The following PTPRF variants were observed in gnomAD, a reference collection of about 807,000 sequenced individuals.
PTPRF encodes the protein receptor-type tyrosine-protein phosphatase F.
PTPRF carries 59 observed loss-of-function variants against 201.8 expected under a neutral mutation model. The observed-to-expected ratio is 0.29, with a 90% CI of 0.24 to 0.36. The LOEUF (loss-of-function observed/expected upper bound fraction) is 0.36, where lower values mean the gene tolerates loss of function less well. Ranked by LOEUF, PTPRF falls within the 10% of genes least tolerant of loss-of-function variation. PTPRF has a pLI of 1.00. For missense variants in PTPRF, 2,132 were observed against 2,690.5 expected, an observed-to-expected ratio of 0.79 and a Z score of 4.59; for synonymous variants, 1,088 against 1,089.7, an observed-to-expected ratio of 1.00 and a Z score of 0.03.
At chr1:43,569,875 C>T in intron 6 of PTPRF, 97 bp downstream of exon 6, 1 of 1,339,706 alleles carries the variant, frequency 7.5e-7, no homozygotes, top group East Asian at 2.6e-5. Flanking sequence ...TGGGCACCTC[C>T]AGGGCTGAGC....
rs1658124620 is a variant in PTPRF at position 43,617,389 on chromosome 1, A to T, written c.4072-56A>T. 4.4e-6 allele frequency: 7 copies of T among 1,607,390 alleles called. No homozygotes were observed. The Admixed American group carries it at 1.2e-4, about 27-fold the overall frequency. On this transcript the variant is annotated intron_variant, in intron 23 of 33. Coordinates refer to ENST00000359947, the MANE Select transcript of PTPRF (RefSeq NM_002840.5). The stretch of plus-strand genomic sequence containing the variant: ...GGGAAGGCTGGGTCCCCTGCAGGAG[A>T]AGCAGGTCAACCTTGGCTCTTACCC...
upstream of PTPRF, among the ~76,000 whole-genome samples, chr1:43,525,442 C>T (rs561381139): frequency 1.1e-4 from 17 of 152,224 alleles, no homozygotes; most frequent in African/African-American, 4.1e-4. Context: ...CTGAGGAGTA[C>T]ACTAAGCTGG....
chr1:43,556,159 A>G (rs1212592473), intron 5 of PTPRF, among the ~76,000 whole-genome samples: 1 of 152,162 alleles, frequency 6.6e-6, no homozygotes, highest in Non-Finnish European at 1.5e-5. Flanking sequence ...ACAGCTGCAC[A>G]TGTTTTCACA....
chr1:43,562,427 A>G (rs865935106), intron 5 of PTPRF, among the ~76,000 whole-genome samples: 3 of 150,552 alleles, frequency 2.0e-5, no homozygotes, highest in Non-Finnish European at 4.4e-5. Flanking sequence ...CTTTTTTGAA[A>G]CGGAGTCTCA....
intron 7 of PTPRF, among the ~76,000 whole-genome samples, chr1:43,584,549 C>T (rs981362126): frequency 1.3e-4 from 19 of 148,208 alleles, no homozygotes; most frequent in Admixed American, 1.1e-3. Flanking sequence ...CCCCTCCCTT[C>T]CCCCACCCCA....
Position 43,598,509 on chromosome 1 carries a change from G to C in PTPRF, c.2120-211G>C. The C allele has an allele frequency of 1.1e-5, 6 of 566,530 alleles. No homozygotes were observed. In the South Asian group the frequency reaches 1.4e-4, roughly 14 times the overall value. 35.1% of individuals were successfully genotyped at this position (566,530 alleles called of 1,614,324 possible). A position where few individuals can be genotyped will look rare whatever the true frequency, so the allele number is the denominator to read the frequency against. On this transcript the variant is annotated intron_variant, in intron 12 of 33. Transcript: ENST00000359947. ...CACCAAGTGAGAGGCCTGGGCCAGAGGGGTGGGCAGGGCCAGTCCTGGGCT... is the reference window on the plus strand; with the variant it reads ...CACCAAGTGAGAGGCCTGGGCCAGACGGGTGGGCAGGGCCAGTCCTGGGCT...
intron 22 of PTPRF, chr1:43,613,144 TGTGTC>T: frequency 3.0e-6 from 1 of 335,054 alleles, no homozygotes; most frequent in Non-Finnish European, 5.8e-6. Flanking sequence ...CTCTCTCTAT[TGTGTC>T]TGTACTTCAT....
Position 43,591,080 on chromosome 1 carries a change from A to G in PTPRF, c.1058A>G (p.Gln353Arg), listed in dbSNP as rs563115918. The G allele has an allele frequency of 1.3e-5, 21 of 1,613,964 alleles. No homozygotes were observed. The South Asian group carries it at 1.9e-4, about 14-fold the overall frequency. Residue 353 changes from glutamine (Q) to arginine (R), a missense_variant, in exon 9 of 34, where the codon CAG becomes CGG. This residue lies in a region of PTPRF where 351 missense variants were observed against 401.7 expected (regional missense o/e 0.87). Coordinates refer to ENST00000359947, the MANE Select transcript of PTPRF (RefSeq NM_002840.5). Reference protein sequence around the residue: ...NSEPVTYYGIQYRAAGTEGPF... With the variant: ...NSEPVTYYGIRYRAAGTEGPF... ...GAGCCTGTAACCTACTATGGCATCC[A>G]GTACCGCGCAGCGGGCACGGAGGGC... is the stretch of plus-strand genomic sequence containing the variant.
intron 11 of PTPRF, among the ~76,000 whole-genome samples, chr1:43,596,920 G>A (rs1434838178): frequency 6.6e-6 from 1 of 152,182 alleles, no homozygotes; most frequent in Non-Finnish European, 1.5e-5. Flanking sequence ...TGCCATGTGT[G>A]AGACACCAAG....
At chr1:43,527,628 G>A (rs914907373), upstream of PTPRF, among the ~76,000 whole-genome samples, 1 of 152,236 alleles carries the variant, frequency 6.6e-6, no homozygotes, top group Non-Finnish European at 1.5e-5. Context: ...GAGACTGGTT[G>A]GCACAGCAGT....
chr1:43,603,861 G>C lies in PTPRF; in HGVS notation c.2709G>C (p.Glu903Asp). 5.0e-6 allele frequency: 8 copies of C among 1,614,096 alleles called. No homozygotes were observed. Among genetic ancestry groups the C allele is most frequent in the Non-Finnish European group, 6.8e-6 (8 of 1,180,038 alleles). Reference protein sequence around the residue: ...AAKNRAGLGEEFEKEIRTPED... With the variant: ...AAKNRAGLGEDFEKEIRTPED... Reference sequence around the variant, plus strand: ...AGAACCGGGCTGGCTTGGGTGAGGAGTTCGAGAAGGAGATCAGGACCCCCG... The same window carrying C: ...AGAACCGGGCTGGCTTGGGTGAGGACTTCGAGAAGGAGATCAGGACCCCCG... Residue 903 changes from glutamate (E) to aspartate (D), a missense_variant, in exon 16 of 34, where the codon GAG (glutamate) becomes GAC (aspartate). Physicochemically the swap from Glu to Asp is conservative, Grantham distance 45 (BLOSUM62 2). This residue lies in a region of PTPRF where 818 missense variants were observed against 915.3 expected (regional missense o/e 0.89). Transcript: ENST00000359947. This position sits in a 1 kb window ranked among gnomAD's most constrained non-coding sequence, Gnocchi z 5.8.
chr1:43,598,118 C>T (rs1316139905), intron 12 of PTPRF, 65 bp downstream of exon 12: 1 of 1,404,294 alleles, frequency 7.1e-7, no homozygotes, highest in African/African-American at 1.5e-5. Context: ...CCAAGCTCCC[C>T]AGGGCCTTCC....
rs1302821491 is a variant in PTPRF at position 43,554,256 on chromosome 1, A to T, written c.379+315A>T. Among the ~76,000 whole-genome samples, 1 of 152,082 alleles carries T rather than the reference A, an allele frequency of 6.6e-6. No homozygotes were observed. The highest frequency in any genetic ancestry group is 2.4e-5 in the African/African-American group (1 of 41,388). On this transcript the variant is annotated intron_variant, in intron 5 of 33. Coordinates refer to ENST00000359947, the MANE Select transcript of PTPRF (RefSeq NM_002840.5). The surrounding 1 kb of genome is among the most constrained non-coding windows in gnomAD (Gnocchi z 4.1). Reference sequence around the variant, plus strand: ...TGTGTATCCCTTGGGTTACGTGGTTATGGCTGTGGCTGTTTGGCAGTGAAC... The same window carrying T: ...TGTGTATCCCTTGGGTTACGTGGTTTTGGCTGTGGCTGTTTGGCAGTGAAC...
At chr1:43,565,809 G>C (rs1417790709) in intron 5 of PTPRF, among the ~76,000 whole-genome samples, 1 of 152,204 alleles carries the variant, frequency 6.6e-6, no homozygotes, top group East Asian at 1.9e-4. Context: ...GCGGGGGCGG[G>C]AAGGGCGGTG....
rs1182924276 is a variant in PTPRF at position 43,622,255 on chromosome 1, C to T, written c.*252C>T. 1 of 522,350 alleles carries T rather than the reference C, an allele frequency of 1.9e-6. No homozygotes were observed. Among genetic ancestry groups the T allele is most frequent in the Non-Finnish European group, 3.4e-6 (1 of 291,950 alleles). 32.4% of individuals were successfully genotyped at this position (522,350 alleles called of 1,614,324 possible). On this transcript the variant is annotated 3_prime_UTR_variant, in exon 34 of 34. Transcript: ENST00000359947. The stretch of plus-strand genomic sequence containing the variant: ...GTCCACCAGACCCACCTGGAGCCCG[C>T]TTCAAGCTCTCTGTTGCGCTCCCGC...
intron 20 of PTPRF, 59 bp from the exon 21 acceptor site, chr1:43,606,755 C>A: frequency 6.3e-7 from 1 of 1,585,154 alleles, no homozygotes; most frequent in Non-Finnish European, 8.6e-7. Flanking sequence ...GATTAATAGG[C>A]AGAGGGTGGG....
At chr1:43,540,061 G>C (rs900011518) in intron 2 of PTPRF, among the ~76,000 whole-genome samples, 1 of 152,106 alleles carries the variant, frequency 6.6e-6, no homozygotes, top group Admixed American at 6.5e-5. Context: ...TCTGTGTTGG[G>C]GTTTCTCAGC....
chr1:43,568,250 G>A (rs1646322902), intron 5 of PTPRF, among the ~76,000 whole-genome samples: 1 of 149,946 alleles, frequency 6.7e-6, no homozygotes, highest in African/African-American at 2.5e-5. Context: ...AGCTGAGATC[G>A]CACCACTGCA....
intron 2 of PTPRF, 117 bp downstream of exon 2, chr1:43,538,394 G>C (rs1644157080): frequency 1.3e-5 from 5 of 396,920 alleles, no homozygotes; most frequent in Admixed American, 4.4e-5. Context: ...GGTGTCAGCA[G>C]GGGGCATGAC....
Sources: allele counts gnomAD v4.1 joint callset (sites outside exome capture counted in the v4.1 genomes callset), GRCh38; gene constraint gnomAD v4.1.1; regional missense constraint gnomAD v4.1.1; non-coding constraint Gnocchi (gnomAD v3.1); transcripts MANE v1.5; gene names NCBI Gene and HGNC (gene_info 2026-07-23, HGNC 2026-07-21).